The following HGS variants were observed in gnomAD, a reference collection of about 807,000 sequenced individuals.
HGS encodes the protein hepatocyte growth factor-regulated tyrosine kinase substrate.
A neutral mutation model predicts 109.7 loss-of-function variants in HGS; 63 were observed. The ratio of observed to expected loss-of-function variants is 0.57; its 90% confidence interval spans 0.47 to 0.71. The LOEUF is 0.71. Ranked by LOEUF, HGS falls within the 30% of genes least tolerant of loss-of-function variation. HGS has a pLI of 0.00. For missense variants in HGS, 995 were observed against 1,068.3 expected, an observed-to-expected ratio of 0.93 and a Z score of 0.96; for synonymous variants, 546 against 437.3, an observed-to-expected ratio of 1.25 and a Z score of -3.10.
intron 7 of HGS, 73 bp downstream of exon 7, chr17:81,690,815 C>A: frequency 7.6e-7 from 1 of 1,321,100 alleles, no homozygotes; most frequent in Non-Finnish European, 1.1e-6. Flanking sequence ...AGGCCACCGT[C>A]CCTGCTGGGC....
intron 18 of HGS, chr17:81,697,201 G>A: frequency 1.7e-6 from 1 of 585,836 alleles, no homozygotes; most frequent in South Asian, 2.6e-5. Context: ...TGCGTGGCAG[G>A]TACTGCCCTC....
rs201073328 is a variant in HGS, at chr17:81,700,449, C to T, written c.1883-18C>T. 33 of 1,542,716 alleles carry T rather than the reference C, an allele frequency of 2.1e-5. No homozygotes were observed. The highest frequency in any genetic ancestry group is 2.7e-5 in the Non-Finnish European group (31 of 1,142,656). On this transcript the variant is annotated intron_variant, in intron 18 of 21. Coordinates refer to ENST00000329138, the MANE Select transcript of HGS (RefSeq NM_004712.5). ...TGTTGCCCTGGCTGAACCATCTCCC[C>T]TGTCTTGTTTGTCACAGATCCCAGC...
Position 81,687,043 on chromosome 17 carries a change from A to C in HGS, c.239A>C (p.His80Pro). 1 of 1,613,452 alleles carries C rather than the reference A, an allele frequency of 6.2e-7. No homozygotes were observed. Among genetic ancestry groups the C allele is most frequent in the Non-Finnish European group, 8.5e-7 (1 of 1,179,938 alleles). The change falls in exon 4 of 22, where the codon CAT (histidine) becomes CCT (proline). Residue 80 changes from histidine to proline, a missense_variant. Physicochemically the swap from His to Pro is moderately conservative, Grantham distance 77 (BLOSUM62 -2). Around this residue, in one of 6 missense-constraint regions of HGS, gnomAD observed 182 missense variants for 261.3 expected, o/e 0.70. Coordinates refer to ENST00000329138, the MANE Select transcript of HGS (RefSeq NM_004712.5). ...SVVKNCGQTV[H>P]DEVANKQTME... Reference sequence around the variant, plus strand: ...GTAAAGAACTGTGGCCAGACAGTTCATGATGAGGTGGCCAACAAGCAGACC... The same window carrying C: ...GTAAAGAACTGTGGCCAGACAGTTCCTGATGAGGTGGCCAACAAGCAGACC...
At chr17:81,697,125 G>T in intron 18 of HGS, 127 bp downstream of exon 18, 1 of 1,044,968 alleles carries the variant, frequency 9.6e-7, no homozygotes, top group Non-Finnish European at 1.3e-6. Context: ...TGTTGTCCCT[G>T]CTTTTTCCTG....
chr17:81,690,396 C>G (rs745871161), intron 6 of HGS, 162 bp downstream of exon 6: 8 of 772,224 alleles, frequency 1.0e-5, no homozygotes, highest in Admixed American at 4.8e-5. Context: ...GCAGCTGTCT[C>G]TGCAGGGCGA....
Position 81,695,149 on chromosome 17 carries a change from T to C in HGS, c.1120-15T>C. On this transcript the variant is annotated splice_polypyrimidine_tract_variant and intron_variant, in intron 13 of 21. Coordinates refer to ENST00000329138, the MANE Select transcript of HGS (RefSeq NM_004712.5). ...CGGGACAGGTTGGAGGCCCCACTCATTCTCTCTCTTCCAGAACCCCCTCCC... is the reference window on the plus strand; with the variant it reads ...CGGGACAGGTTGGAGGCCCCACTCACTCTCTCTCTTCCAGAACCCCCTCCC... 6.2e-7 allele frequency: 1 copy of C among 1,614,008 alleles called. No homozygotes were observed. Among genetic ancestry groups the C allele is most frequent in the Non-Finnish European group, 8.5e-7 (1 of 1,179,912 alleles).
chr17:81,692,773 G>T (rs1219858933), intron 8 of HGS: 1 of 152,156 alleles, frequency 6.6e-6, no homozygotes, highest in South Asian at 2.1e-4. Flanking sequence ...ACGAGGCCAA[G>T]AGATCAAGAC....
At chr17:81,701,241 C>A in intron 21 of HGS, 110 bp downstream of exon 21, 2 of 1,009,668 alleles carry the variant, frequency 2.0e-6, no homozygotes, top group Non-Finnish European at 3.0e-6. Context: ...CGTCTGCTCA[C>A]AGGGGGAGAC....
intron 18 of HGS, among the ~76,000 whole-genome samples, chr17:81,700,232 A>G (rs1314618349): frequency 1.1e-4 from 16 of 140,896 alleles, no homozygotes; most frequent in African/African-American, 1.6e-4. Context: ...AGCCGGGCGT[A>G]GTGGCGTACG....
At chr17:81,684,282 G>A (rs926937798) in intron 1 of HGS, 179 bp downstream of exon 1, 3 of 484,448 alleles carry the variant, frequency 6.2e-6, no homozygotes, top group Non-Finnish European at 9.7e-6. Context: ...GCGGCCGTGG[G>A]GTCGGCGTCC....
At chr17:81,697,106 C>A in intron 18 of HGS, 108 bp downstream of exon 18, 1 of 1,190,576 alleles carries the variant, frequency 8.4e-7, no homozygotes, top group Non-Finnish European at 1.2e-6. Flanking sequence ...CCAGTTGCCC[C>A]GATGTGAATG....
At chr17:81,700,654 A>AGCCCCT in intron 19 of HGS, 41 bp from the exon 20 acceptor site, 1 of 835,720 alleles carries the variant, frequency 1.2e-6, no homozygotes, top group Non-Finnish European at 1.7e-6. Flanking sequence ...CCCCAGCCCC[A>AGCCCCT]GCCCCAGCCC....
Position 81,691,227 on chromosome 17 carries a change from C to G in HGS, c.538-220C>G, listed in dbSNP as rs1451675630. On this transcript the variant is annotated intron_variant, in intron 7 of 21. Coordinates refer to ENST00000329138, the MANE Select transcript of HGS (RefSeq NM_004712.5). The surrounding 1 kb of genome is among the most constrained non-coding windows in gnomAD (Gnocchi z 5.3). ...ATTTTTTCCTTGCCCTTACTTTTAA[C>G]TTACCTTATTTTCCCCAAAACGGTG... 1 of 569,370 alleles carries G rather than the reference C, an allele frequency of 1.8e-6. No individual in the cohort carries two copies. The highest frequency in any genetic ancestry group is 3.0e-5 in the Admixed American group (1 of 32,956). 35.3% of individuals were successfully genotyped at this position (569,370 alleles called of 1,614,324 possible). A position where few individuals can be genotyped will look rare whatever the true frequency, so the allele number is the denominator to read the frequency against.
At position 81,688,706 on chromosome 17, in the gene HGS, A is replaced by G; in HGVS notation, c.294A>G (p.Arg98=). The part of the protein sequence containing the change: ...TMEELKDLLK[R]QVEVNVRNKI... ...CACCCCCTTCTCCCTGCCTGCAGAG[A>G]CAAGTGGAGGTAAACGTCCGTAACA... Residue 98 remains arginine (R), a splice_region_variant and synonymous_variant, in exon 5 of 22, where the codon AGA becomes AGG. Transcript: ENST00000329138. The G allele has an allele frequency of 1.2e-6, 2 of 1,613,774 alleles. No individual in the cohort carries two copies. Among genetic ancestry groups the G allele is most frequent in the Non-Finnish European group, 1.7e-6 (2 of 1,179,884 alleles).
rs761553831 is a variant in HGS, at chr17:81,696,895, C to G, written c.1779C>G (p.Phe593Leu). 92 of 1,610,162 alleles carry G rather than the reference C, an allele frequency of 5.7e-5. No homozygotes were observed. The highest frequency in any genetic ancestry group is 7.0e-5 in the Non-Finnish European group (83 of 1,179,850). ...GACCAGCCAGCTTCCCCAGCACCTT[C>G]AGCCCTGCCGGCTCGGTGGAGGGCT... is the stretch of plus-strand genomic sequence containing the variant. ...PSGPASFPST[F>L]SPAGSVEGSP... The change falls in exon 18 of 22, where the codon TTC (phenylalanine) becomes TTG (leucine). Residue 593 changes from phenylalanine to leucine, a missense_variant. Transcript: ENST00000329138.
intron 3 of HGS, 29 bp downstream of exon 3, chr17:81,686,416 C>T (rs1290247964): frequency 1.9e-6 from 3 of 1,553,116 alleles, no homozygotes; most frequent in African/African-American, 1.4e-5. Flanking sequence ...CTCAGTGGCC[C>T]CCAGGGTCCC....
intron 16 of HGS, 28 bp downstream of exon 16, chr17:81,696,557 G>C (rs2037152062): frequency 6.5e-7 from 1 of 1,548,428 alleles, no homozygotes; most frequent in South Asian, 1.2e-5. Flanking sequence ...CCACAGGCCG[G>C]GGCCGGCTGG....
chr17:81,685,711 C>T (rs73354116), intron 2 of HGS, 22 bp downstream of exon 2: 5 of 1,595,884 alleles, frequency 3.1e-6, no homozygotes, highest in East Asian at 2.2e-5. Context: ...GGGCCTGTGC[C>T]CTGATGCGGA....
intron 11 of HGS, among the ~76,000 whole-genome samples, chr17:81,694,489 G>T (rs566032070): frequency 1.3e-5 from 2 of 152,352 alleles, no homozygotes; most frequent in Admixed American, 1.3e-4. Context: ...CTTCCGGGCT[G>T]TCGGCTGGGG....
Sources: gnomAD v4.1 joint callset for allele counts (sites outside exome capture counted in the v4.1 genomes callset) on GRCh38, gnomAD v4.1.1 for gene constraint, gnomAD v4.1.1 regional missense constraint, Gnocchi (gnomAD v3.1) non-coding constraint, MANE v1.5 for transcripts, NCBI Gene and HGNC (gene_info 2026-07-23, HGNC 2026-07-21) for gene names.